The following CDH18 variants were observed in gnomAD, a reference collection of about 807,000 sequenced individuals.
The protein encoded by CDH18 is cadherin-18.
A neutral mutation model predicts 67.9 loss-of-function variants in CDH18; 31 were observed. The observed-to-expected ratio is 0.46, with a 90% CI of 0.34 to 0.62. The LOEUF (loss-of-function observed/expected upper bound fraction) is 0.62. CDH18 is among the 20% of genes least tolerant of loss of function. The pLI, the probability that CDH18 is intolerant of heterozygous loss-of-function variation, is 0.01. For missense variants in CDH18, 890 were observed against 975.5 expected, an observed-to-expected ratio of 0.91 and a Z score of 1.17; for synonymous variants, 362 against 347.2, an observed-to-expected ratio of 1.04 and a Z score of -0.48.
At chr5:20,236,731 T>C (rs1427492345) in intron 2 of CDH18, among the ~76,000 whole-genome samples, 1 of 152,070 alleles carries the variant, frequency 6.6e-6, no homozygotes, top group Non-Finnish European at 1.5e-5. Context: ...GACACAGGTT[T>C]CACGAGTTAA....
chr5:20,042,668 T>C (rs913043842), intron 2 of CDH18, among the ~76,000 whole-genome samples: 3 of 152,174 alleles, frequency 2.0e-5, no homozygotes, highest in Non-Finnish European at 2.9e-5. Context: ...TGTCCTCTTT[T>C]AAAACATTTT....
At chr5:20,378,959 C>A (rs2150097083) in intron 1 of CDH18, among the ~76,000 whole-genome samples, 1 of 152,102 alleles carries the variant, frequency 6.6e-6, no homozygotes, top group East Asian at 1.9e-4. Context: ...TAAGAACCTT[C>A]TGGAAAAGAT....
chr5:19,530,775 A>G (rs1487181246), intron 9 of CDH18, among the ~76,000 whole-genome samples: 2 of 152,168 alleles, frequency 1.3e-5, no homozygotes, highest in Non-Finnish European at 2.9e-5. Flanking sequence ...ATCATTTTTT[A>G]TGGCTGCATA....
rs564918148 is a variant in CDH18, at chr5:20,176,957, G to GT, written c.-518+78486dup. ...ATATATATTAAAAACCAACAGAAAT[G>GT]TTTTTTCTCTGATATTATAACAGAG... is the stretch of plus-strand genomic sequence containing the variant. On this transcript the variant is annotated intron_variant, in intron 2 of 14. Coordinates refer to the CDH18 transcript ENST00000507958. Among the ~76,000 whole-genome samples, 48 of 151,998 alleles carry GT rather than the reference G, an allele frequency of 3.2e-4. 1 individual carries two copies. The East Asian group carries it at 9.3e-3, about 30-fold the overall frequency.
At chr5:19,889,121 TA>T (rs1333490300) in intron 2 of CDH18, among the ~76,000 whole-genome samples, 1 of 152,144 alleles carries the variant, frequency 6.6e-6, no homozygotes, top group Non-Finnish European at 1.5e-5. Flanking sequence ...TGTATTTTTT[TA>T]GGGAATAATG....
intron 2 of CDH18, among the ~76,000 whole-genome samples, chr5:20,204,902 A>C (rs1040799072): frequency 2.6e-5 from 4 of 151,970 alleles, no homozygotes; most frequent in African/African-American, 7.2e-5. Context: ...ACAATGCACA[A>C]ATTATAATAG....
chr5:20,310,229 A>G (rs966638729), intron 1 of CDH18, among the ~76,000 whole-genome samples: 2 of 152,218 alleles, frequency 1.3e-5, no homozygotes, highest in African/African-American at 2.4e-5. Flanking sequence ...TGATGTTTAA[A>G]TGACTTATTT....
At chr5:20,320,994 T>C (rs1737973139) in intron 1 of CDH18, among the ~76,000 whole-genome samples, 1 of 152,142 alleles carries the variant, frequency 6.6e-6, no homozygotes, top group Non-Finnish European at 1.5e-5. Flanking sequence ...ACTCACTCCT[T>C]CCTGTATGCA....
At chr5:19,898,162 GTAT>G in intron 2 of CDH18, among the ~76,000 whole-genome samples, 1 of 151,806 alleles carries the variant, frequency 6.6e-6, no homozygotes, top group South Asian at 2.1e-4. Flanking sequence ...ATTTATCTCT[GTAT>G]TATTTTCTCT....
intron 12 of CDH18, among the ~76,000 whole-genome samples, chr5:19,481,726 A>G (rs536964813): frequency 2.6e-5 from 4 of 152,292 alleles, no homozygotes; most frequent in South Asian, 4.1e-4. Flanking sequence ...CTCCATCTAT[A>G]CAAGTTATTT....
chr5:19,719,482 G>A (rs1045135459), intron 5 of CDH18, among the ~76,000 whole-genome samples: 1 of 151,992 alleles, frequency 6.6e-6, no homozygotes, highest in Admixed American at 6.6e-5. Flanking sequence ...AGAACAAAAT[G>A]TGAAATATCA....
chr5:19,726,218 A>G (rs552186394), intron 4 of CDH18, among the ~76,000 whole-genome samples: 2 of 152,346 alleles, frequency 1.3e-5, no homozygotes, highest in Admixed American at 6.5e-5. Context: ...GAAGAAGGGT[A>G]GCATGGTGAT....
chr5:20,513,392 T>C (rs560493748), intron 1 of CDH18, among the ~76,000 whole-genome samples: 11 of 152,282 alleles, frequency 7.2e-5, no homozygotes, highest in South Asian at 6.2e-4. Context: ...GAAAATGCTG[T>C]TCCAGAAATT....
chr5:20,060,443 G>A (rs1200206488), intron 2 of CDH18, among the ~76,000 whole-genome samples: 1 of 151,890 alleles, frequency 6.6e-6, no homozygotes, highest in African/African-American at 2.4e-5. Flanking sequence ...CAGCCTGGGT[G>A]ACAAAGCGAG....
intron 3 of CDH18, chr5:19,803,930 G>C (rs1228216508): frequency 6.6e-6 from 1 of 152,066 alleles, no homozygotes; most frequent in East Asian, 1.9e-4. Context: ...GACCATCCTG[G>C]CCAACACGAT....
At chr5:19,537,088 G>T (rs1749533068) in intron 9 of CDH18, among the ~76,000 whole-genome samples, 1 of 152,140 alleles carries the variant, frequency 6.6e-6, no homozygotes, top group Non-Finnish European at 1.5e-5. Flanking sequence ...GGTGTTTTTG[G>T]ATGAGATTAG....
chr5:19,535,177 C>A (rs1749223538), intron 9 of CDH18, among the ~76,000 whole-genome samples: 1 of 152,152 alleles, frequency 6.6e-6, no homozygotes, highest in South Asian at 2.1e-4. Context: ...TCTGTTACTA[C>A]ATTATGAAGT....
intron 5 of CDH18, among the ~76,000 whole-genome samples, chr5:19,638,440 A>G (rs1753478648): frequency 2.0e-5 from 3 of 152,180 alleles, no homozygotes; most frequent in African/African-American, 7.2e-5. Flanking sequence ...TTCCCATGTT[A>G]TGTGGAAAGA....
chr5:20,149,604 A>C (rs1385735573), intron 2 of CDH18, among the ~76,000 whole-genome samples: 1 of 152,182 alleles, frequency 6.6e-6, no homozygotes, highest in Non-Finnish European at 1.5e-5. Flanking sequence ...TTTCCATGTA[A>C]GTCTACACAA....
Sources: allele counts gnomAD v4.1 joint callset (sites outside exome capture counted in the v4.1 genomes callset), GRCh38; gene constraint gnomAD v4.1.1; transcripts MANE v1.5; gene names NCBI Gene and HGNC (gene_info 2026-07-23, HGNC 2026-07-21).